TLCD3A: variants seen among roughly 807,000 people sequenced by gnomAD.
TLCD3A encodes the protein TLC domain containing 3A.
In TLCD3A, 17 loss-of-function variants were observed where a neutral mutation model predicts 29.9. That is an observed-to-expected ratio of 0.57 (90% confidence interval 0.39 to 0.85). The LOEUF (loss-of-function observed/expected upper bound fraction) is 0.85. TLCD3A is among the 40% of genes least tolerant of loss of function. The probability of loss-of-function intolerance (pLI) is 0.00; values close to 1 mark genes in which losing one functional copy is unlikely to be tolerated. For missense variants in TLCD3A, 332 were observed against 350.8 expected (o/e 0.95, Z 0.43); for synonymous variants, 143 against 147.7 (o/e 0.97, Z 0.23).
At position 738,181 on chromosome 17, in the gene TLCD3A, C is replaced by T. The variant is rs1039548629; in HGVS notation, c.408+134C>T. ...TGTGATCTCAGCTCACTGCAACCTC[C>T]GCCTCCCGGGTTCAAGCGATTCTCC... On this transcript the variant is annotated intron_variant, in intron 3 of 4. Transcript: ENST00000308278. 8 of 689,904 alleles carry T rather than the reference C, an allele frequency of 1.2e-5. No individual in the cohort carries two copies. In the East Asian group the frequency reaches 1.4e-4, roughly 12 times the overall value. The allele number at this position is 689,904 out of a possible 1,614,324, so 42.7% of individuals were successfully genotyped here. A position where few individuals can be genotyped will look rare whatever the true frequency, so the allele number is the denominator to read the frequency against.
At chr17:736,954 T>C (rs1974163406) in intron 2 of TLCD3A, among the ~76,000 whole-genome samples, 1 of 147,710 alleles carries the variant, frequency 6.8e-6, no homozygotes, top group Non-Finnish European at 1.5e-5. Context: ...ACGCCCAGCC[T>C]CCAGACCTGT....
At chr17:732,831 C>A (rs1416895930) in intron 1 of TLCD3A, 62 bp downstream of exon 1, 7 of 1,383,538 alleles carry the variant, frequency 5.1e-6, no homozygotes, top group Non-Finnish European at 6.5e-6. Context: ...CCCCACCCGG[C>A]CGCGGGGCCC....
At chr17:734,982 T>C (rs1370626232) in intron 2 of TLCD3A, among the ~76,000 whole-genome samples, 1 of 147,220 alleles carries the variant, frequency 6.8e-6, no homozygotes, top group African/African-American at 2.5e-5. Flanking sequence ...GTGCCCAGCC[T>C]GTATAGTACC....
At chr17:734,845 T>C (rs1974130315) in intron 2 of TLCD3A, among the ~76,000 whole-genome samples, 1 of 151,972 alleles carries the variant, frequency 6.6e-6, no homozygotes, top group Admixed American at 6.6e-5. Context: ...AAGTACTTAA[T>C]TCAGATAGTA....
At chr17:734,248 G>A (rs1974120703) in intron 2 of TLCD3A, among the ~76,000 whole-genome samples, 1 of 151,364 alleles carries the variant, frequency 6.6e-6, no homozygotes, top group Non-Finnish European at 1.5e-5. Flanking sequence ...TGAACTCCTG[G>A]GCTCAAGTCA....
At chr17:732,803 G>C in intron 1 of TLCD3A, 34 bp downstream of exon 1, 1 of 1,428,922 alleles carries the variant, frequency 7.0e-7, no homozygotes, top group African/African-American at 1.5e-5. Flanking sequence ...CCCGAGGCCC[G>C]GGGCGCTGCC....
intron 3 of TLCD3A, 97 bp from the exon 4 acceptor site, chr17:740,408 C>A: frequency 1.1e-6 from 1 of 894,378 alleles, no homozygotes; most frequent in Non-Finnish European, 1.9e-6. Flanking sequence ...GTCCTTTGCC[C>A]GTCACAGTTA....
chr17:741,471 C>T lies in TLCD3A; in HGVS notation c.675C>T (p.Ala225=), dbSNP rs778382980. The part of the protein sequence containing the change: ...PFSIPFYCNV[A]NAFLVAPQIY... ...GCATCCCATTCTACTGCAACGTGGC[C>T]AATGCCTTCCTCGTAGCTCCTCAGA... The change falls in exon 5 of 5, where the codon GCC becomes GCT. Residue 225 remains alanine (A), a synonymous_variant. Coordinates refer to ENST00000308278, the MANE Select transcript of TLCD3A (RefSeq NM_024792.3). The T allele has an allele frequency of 6.2e-7, 1 of 1,614,188 alleles. No homozygotes were observed. Among genetic ancestry groups the T allele is most frequent in the Non-Finnish European group, 8.5e-7 (1 of 1,180,034 alleles).
In TLCD3A at chr17:737,884, C is replaced by T; in HGVS notation, c.245C>T (p.Pro82Leu). Reference sequence around the variant, plus strand: ...CGGGAATATGTGTGGTTTCTGATTCCATACATGATCTATGACTCGTACGCC... The same window carrying T: ...CGGGAATATGTGTGGTTTCTGATTCTATACATGATCTATGACTCGTACGCC... ...LAREYVWFLI[P>L]YMIYDSYAMY... is the part of the protein sequence containing the mutation. Residue 82 changes from proline to leucine, a missense_variant, in exon 3 of 5, where the codon CCA becomes CTA. Transcript: ENST00000308278. 1.2e-6 allele frequency: 2 copies of T among 1,614,090 alleles called. No individual in the cohort carries two copies. The highest frequency in any genetic ancestry group is 1.7e-6 in the Non-Finnish European group (2 of 1,180,024).
At position 734,529 on chromosome 17, in the gene TLCD3A, GT is replaced by G. The variant is rs1337429964; in HGVS notation, c.206+1349del. 2.6e-5 allele frequency among the ~76,000 whole-genome samples: 4 copies of G among 152,146 alleles called. No individual in the cohort carries two copies. The East Asian group carries it at 7.7e-4, about 29-fold the overall frequency. ...GGGTCTCCCTGCGTTGCCCAGGCTG[GT>G]CTTGAACTCCTGGGCTCCAACGATC... is the stretch of plus-strand genomic sequence containing the variant. On this transcript the variant is annotated intron_variant, in intron 2 of 4. Coordinates refer to ENST00000308278, the MANE Select transcript of TLCD3A (RefSeq NM_024792.3).
chr17:741,194 G>C, intron 4 of TLCD3A, 107 bp from the exon 5 acceptor site: 2 of 1,142,562 alleles, frequency 1.8e-6, no homozygotes, highest in Non-Finnish European at 2.5e-6. Context: ...AGGTCTTGAT[G>C]AGCACCTGCA....
In TLCD3A at chr17:740,551, C is replaced by T. The variant is rs141305698; in HGVS notation, c.455C>T (p.Thr152Met). 62 of 1,613,966 alleles carry T rather than the reference C, an allele frequency of 3.8e-5. No homozygotes were observed. In the African/African-American group the frequency reaches 6.0e-4, roughly 16 times the overall value. Reference protein sequence around the residue: ...LGDFFVGCIFTAELSTPFVSL... With the variant: ...LGDFFVGCIFMAELSTPFVSL... Reference sequence around the variant, plus strand: ...GACTTCTTTGTCGGCTGCATCTTCACGGCAGAACTGAGCACTCCGTTTGTG... The same window carrying T: ...GACTTCTTTGTCGGCTGCATCTTCATGGCAGAACTGAGCACTCCGTTTGTG... The change falls in exon 4 of 5, where the codon ACG (threonine) becomes ATG (methionine). Residue 152 changes from threonine to methionine, a missense_variant. Transcript: ENST00000308278.
intron 2 of TLCD3A, among the ~76,000 whole-genome samples, chr17:735,023 G>A (rs1024925247): frequency 1.3e-5 from 2 of 151,704 alleles, no homozygotes; most frequent in East Asian, 1.9e-4. Flanking sequence ...CCCCCTCCCC[G>A]CCGCCTTTCT....
chr17:740,528 CTTCT>C lies in TLCD3A; in HGVS notation c.435_438del (p.Phe145LeufsTer10), dbSNP rs774968450. The C allele has an allele frequency of 2.3e-5, 37 of 1,614,128 alleles. No homozygotes were observed. Among genetic ancestry groups the C allele is most frequent in the African/African-American group, 6.7e-5 (5 of 75,054 alleles). ...AGAGGCTCCGGGGAGACCTTGGGGA[CTTCT>C]TTGTCGGCTGCATCTTCACGGCAGA... On this transcript the variant is annotated frameshift_variant, in exon 4 of 5. Transcript: ENST00000308278. LOFTEE classifies it high-confidence loss of function.
At position 732,724 on chromosome 17, in the gene TLCD3A, C is replaced by T. The variant is rs143771876; in HGVS notation, c.77C>T (p.Ser26Phe). The change falls in exon 1 of 5, where the codon TCC becomes TTC. Residue 26 changes from serine to phenylalanine, a missense_variant. Coordinates refer to ENST00000308278, the MANE Select transcript of TLCD3A (RefSeq NM_024792.3). ...CTCTGCACCTGGGCGCTGCGCCGCT[C>T]CCAGCCCGGATGGAGCCGCACCGAC... ...FALCTWALRR[S>F]QPGWSRTDCV... 3.5e-6 allele frequency: 5 copies of T among 1,443,474 alleles called. No individual in the cohort carries two copies. Among genetic ancestry groups the T allele is most frequent in the South Asian group, 2.7e-5 (2 of 74,624 alleles). 89.4% of individuals were successfully genotyped at this position (1,443,474 alleles called of 1,614,324 possible).
chr17:736,224 G>A (rs781726309), intron 2 of TLCD3A, among the ~76,000 whole-genome samples: 12 of 152,096 alleles, frequency 7.9e-5, no homozygotes, highest in Non-Finnish European at 1.5e-4. Context: ...CAGGGCCCTC[G>A]GCTTACAATT....
chr17:732,689 G>T lies in TLCD3A; in HGVS notation c.42G>T (p.Gly14=), dbSNP rs1974086196. Residue 14 remains glycine (G), a synonymous_variant, in exon 1 of 5, where the codon GGG becomes GGT. Coordinates refer to ENST00000308278, the MANE Select transcript of TLCD3A (RefSeq NM_024792.3). ...TLAGGALFFP[G]LFALCTWALR... ...CCGGGGGCGCGCTCTTCTTCCCGGG[G>T]CTCTTCGCGCTCTGCACCTGGGCGC... The T allele has an allele frequency of 3.5e-6, 5 of 1,423,858 alleles. No individual in the cohort carries two copies. The highest frequency in any genetic ancestry group is 1.4e-5 in the South Asian group (1 of 72,038). 88.2% of individuals were successfully genotyped at this position (1,423,858 alleles called of 1,614,324 possible). A position where few individuals can be genotyped will look rare whatever the true frequency, so the allele number is the denominator to read the frequency against.
intron 2 of TLCD3A, among the ~76,000 whole-genome samples, chr17:736,759 G>A (rs1388024103): frequency 6.6e-6 from 1 of 151,872 alleles, no homozygotes; most frequent in Non-Finnish European, 1.5e-5. Context: ...AGATTCAATC[G>A]ATTCTCCTGC....
In TLCD3A at chr17:732,774, C is replaced by T; in HGVS notation, c.122+5C>T. The T allele has an allele frequency of 6.9e-7, 1 of 1,446,278 alleles. No homozygotes were observed. The highest frequency in any genetic ancestry group is 2.3e-4 in the Middle Eastern group (1 of 4,346). 89.6% of individuals were successfully genotyped at this position (1,446,278 alleles called of 1,614,324 possible). A position where few individuals can be genotyped will look rare whatever the true frequency, so the allele number is the denominator to read the frequency against. ...CTGCGTGATGATCAGCACCAGGTACCGGCGCCGCCGAGACGCCCCCCGAGG... is the reference window on the plus strand; with the variant it reads ...CTGCGTGATGATCAGCACCAGGTACTGGCGCCGCCGAGACGCCCCCCGAGG... On this transcript the variant is annotated splice_donor_5th_base_variant and intron_variant, in intron 1 of 4. Transcript: ENST00000308278.
Sources: gnomAD v4.1 joint callset for allele counts (sites outside exome capture counted in the v4.1 genomes callset) on GRCh38, gnomAD v4.1.1 for gene constraint, MANE v1.5 for transcripts, NCBI Gene and HGNC (gene_info 2026-07-23, HGNC 2026-07-21) for gene names.